PARD3B: variants seen among roughly 807,000 people sequenced by gnomAD.
PARD3B encodes partitioning defective 3 homolog B.
Under a neutral mutation model 130.2 loss-of-function variants are expected in PARD3B, and 103 were observed. The ratio of observed to expected loss-of-function variants is 0.79; its 90% CI spans 0.67 to 0.93. The LOEUF (loss-of-function observed/expected upper bound fraction) is 0.93. PARD3B is among the 40% of genes least tolerant of loss of function. The pLI is 0.00. For synonymous variants in PARD3B, 583 were observed against 553.2 expected, an observed-to-expected ratio of 1.05 and a Z score of -0.76; for missense variants, 1,609 against 1,499.2, an observed-to-expected ratio of 1.07 and a Z score of -1.21.
At chr2:205,495,536 G>A (rs1325066603) in intron 20 of PARD3B, among the ~76,000 whole-genome samples, 1 of 152,170 alleles carries the variant, frequency 6.6e-6, no homozygotes, top group Non-Finnish European at 1.5e-5. Context: ...ATTACATCAT[G>A]ATCTGATGTC....
chr2:204,572,502 G>A (rs556681195), intron 1 of PARD3B, among the ~76,000 whole-genome samples: 2 of 152,294 alleles, frequency 1.3e-5, no homozygotes, highest in African/African-American at 4.8e-5. Flanking sequence ...TGCTGTTCAT[G>A]ATGATAAATC....
chr2:204,876,386 C>G (rs187570900), intron 2 of PARD3B, among the ~76,000 whole-genome samples: 40 of 152,192 alleles, frequency 2.6e-4, no homozygotes, highest in Admixed American at 4.6e-4. Context: ...TAGAGCAAAT[C>G]AAATTTTTCC....
chr2:205,025,065 A>G (rs1485516580), intron 3 of PARD3B, among the ~76,000 whole-genome samples: 1 of 152,168 alleles, frequency 6.6e-6, no homozygotes, highest in Non-Finnish European at 1.5e-5. Flanking sequence ...GGCACTAAAA[A>G]GGGCTGCATC....
At chr2:205,037,248 AAT>A (rs899276931) in intron 3 of PARD3B, among the ~76,000 whole-genome samples, 1 of 147,554 alleles carries the variant, frequency 6.8e-6, no homozygotes, top group East Asian at 2.0e-4. Context: ...TGTATATAAA[AAT>A]ATATATATAG....
At chr2:205,599,090 TAGC>T (rs1208702255) in intron 22 of PARD3B, among the ~76,000 whole-genome samples, 7 of 152,026 alleles carry the variant, frequency 4.6e-5, no homozygotes. Context: ...ACCCCAAAGC[TAGC>T]AGAAGAAAAG....
At chr2:204,597,490 G>T (rs1413081041) in intron 1 of PARD3B, among the ~76,000 whole-genome samples, 1 of 152,134 alleles carries the variant, frequency 6.6e-6, no homozygotes, top group Non-Finnish European at 1.5e-5. Context: ...ATGGAGAAAA[G>T]GCAATTGTTT....
At chr2:204,729,540 G>T (rs6716067) in intron 2 of PARD3B, among the ~76,000 whole-genome samples, 35,148 of 151,984 alleles carry the variant, frequency 0.23, 4,423 homozygotes, top group African/African-American at 0.33. Flanking sequence ...ATGTGATACC[G>T]AGCAGACATC....
At chr2:205,282,468 T>C (rs2041225695) in intron 16 of PARD3B, among the ~76,000 whole-genome samples, 1 of 145,880 alleles carries the variant, frequency 6.9e-6, no homozygotes, top group African/African-American at 2.5e-5. Context: ...AATTAATATA[T>C]ATATATATAT....
intron 20 of PARD3B, among the ~76,000 whole-genome samples, chr2:205,495,655 A>G (rs1000661414): frequency 6.6e-6 from 1 of 152,186 alleles, no homozygotes; most frequent in Admixed American, 6.6e-5. Context: ...CAGAAAGTAA[A>G]TCCTGTAGGC....
chr2:205,305,069 G>A (rs1437173716), intron 18 of PARD3B, among the ~76,000 whole-genome samples: 1 of 152,240 alleles, frequency 6.6e-6, no homozygotes, highest in Non-Finnish European at 1.5e-5. Flanking sequence ...ATTTGAGTGA[G>A]ATGAGCAGAA....
At chr2:204,578,536 G>C (rs1479430602) in intron 1 of PARD3B, among the ~76,000 whole-genome samples, 2 of 152,178 alleles carry the variant, frequency 1.3e-5, no homozygotes, top group Non-Finnish European at 2.9e-5. Context: ...AGCAGGTAAT[G>C]TACTTACTGA....
At chr2:205,130,999 TTTC>T (rs1231318695) in intron 10 of PARD3B, among the ~76,000 whole-genome samples, 1 of 152,202 alleles carries the variant, frequency 6.6e-6, no homozygotes, top group Non-Finnish European at 1.5e-5. Context: ...GTTCCAACTC[TTTC>T]TTATTTTTAA....
chr2:205,013,721 A>G (rs1031794869), intron 3 of PARD3B, among the ~76,000 whole-genome samples: 13 of 152,232 alleles, frequency 8.5e-5, no homozygotes, highest in Admixed American at 8.5e-4. Flanking sequence ...GCTGTGAAGC[A>G]GCATCTGCAG....
chr2:205,554,757 A>G (rs1447428392), intron 22 of PARD3B, among the ~76,000 whole-genome samples: 1 of 152,224 alleles, frequency 6.6e-6, no homozygotes, highest in Non-Finnish European at 1.5e-5. Flanking sequence ...TTCCCTAAAC[A>G]GCACAGTATA....
intron 7 of PARD3B, 132 bp downstream of exon 7, chr2:205,119,178 T>C: frequency 8.2e-7 from 1 of 1,215,364 alleles, no homozygotes; most frequent in East Asian, 2.9e-5. Context: ...AGGATATCCA[T>C]TTTCGAATGC....
chr2:205,391,264 C>T lies in PARD3B; in HGVS notation c.2631-9749C>T, dbSNP rs78293501. ...GAGGAAGAAGGGGATGTTGTGGGCGCACAAATGCGAAGGCAGTATCTGGCT... is the reference window on the plus strand; with the variant it reads ...GAGGAAGAAGGGGATGTTGTGGGCGTACAAATGCGAAGGCAGTATCTGGCT... On this transcript the variant is annotated intron_variant, in intron 18 of 22. Transcript: ENST00000406610. Among the ~76,000 whole-genome samples, 61 of 152,346 alleles carry T rather than the reference C, an allele frequency of 4.0e-4. 1 individual carries two copies. The East Asian group carries it at 5.8e-3, about 14-fold the overall frequency.
chr2:205,600,186 C>T (rs2054729102), intron 22 of PARD3B, among the ~76,000 whole-genome samples: 1 of 152,154 alleles, frequency 6.6e-6, no homozygotes, highest in Admixed American at 6.5e-5. Flanking sequence ...AAGTGGACAG[C>T]CATGAATAGC....
At chr2:205,099,713 T>C (rs1282015750) in intron 4 of PARD3B, among the ~76,000 whole-genome samples, 2 of 152,182 alleles carry the variant, frequency 1.3e-5, no homozygotes, top group African/African-American at 4.8e-5. Flanking sequence ...CCTTATAGGA[T>C]GCCCTAAGCA....
intron 4 of PARD3B, among the ~76,000 whole-genome samples, chr2:205,096,221 G>C (rs1702387086): frequency 6.6e-6 from 1 of 151,990 alleles, no homozygotes. Flanking sequence ...GACATTTTAT[G>C]CTTGGAATGG....
Sources: allele counts gnomAD v4.1 joint callset (sites outside exome capture counted in the v4.1 genomes callset), GRCh38; gene constraint gnomAD v4.1.1; transcripts MANE v1.5; gene names NCBI Gene and HGNC (gene_info 2026-07-23, HGNC 2026-07-21).